The following TNIK variants were observed in gnomAD, a reference collection of about 807,000 sequenced individuals.
TNIK encodes the protein TRAF2 and NCK interacting kinase.
TNIK carries 49 observed loss-of-function variants against 191.3 expected under a neutral mutation model. That is an observed-to-expected ratio of 0.26 (90% confidence interval 0.20 to 0.32). The LOEUF (loss-of-function observed/expected upper bound fraction) is 0.32. Ranked by LOEUF, TNIK falls within the 10% of genes least tolerant of loss-of-function variation. The probability of loss-of-function intolerance (pLI) is 1.00; values close to 1 mark genes in which losing one functional copy is unlikely to be tolerated. For synonymous variants in TNIK, 594 were observed against 600.9 expected (o/e 0.99, Z 0.17); for missense variants, 1,155 against 1,702.3 (o/e 0.68, Z 5.66).
intron 1 of TNIK, among the ~76,000 whole-genome samples, chr3:171,457,921 A>T (rs889476157): frequency 1.3e-5 from 2 of 152,234 alleles, no homozygotes; most frequent in African/African-American, 4.8e-5. Context: ...TGTGAACCGC[A>T]GTCGTCCGCC....
At chr3:171,459,541 G>T (rs1211393246) in intron 1 of TNIK, among the ~76,000 whole-genome samples, 1 of 152,184 alleles carries the variant, frequency 6.6e-6, no homozygotes, top group African/African-American at 2.4e-5. Context: ...CGCGGGGACA[G>T]CCAGCCTCAC....
intron 2 of TNIK, among the ~76,000 whole-genome samples, chr3:171,241,295 G>T (rs1744956370): frequency 6.6e-6 from 1 of 152,178 alleles, no homozygotes; most frequent in African/African-American, 2.4e-5. Context: ...CTCCCAAAGT[G>T]CTGGGATTAC....
rs1728800184 is a variant in TNIK, at chr3:171,128,588, A to T, written c.1773+126T>A. ...CAGTGGGGCCACCTATTTTACTATA[A>T]ATTCTATATTAAGGGTCATAATTTG... On this transcript the variant is annotated intron_variant, in intron 16 of 32. Transcript: ENST00000436636. 3.4e-6 allele frequency: 4 copies of T among 1,189,232 alleles called. No individual in the cohort carries two copies. In the African/African-American group the frequency reaches 6.2e-5, roughly 18 times the overall value. 73.7% of individuals were successfully genotyped at this position (1,189,232 alleles called of 1,614,324 possible). A position where few individuals can be genotyped will look rare whatever the true frequency, so the allele number is the denominator to read the frequency against.
chr3:171,459,862 G>GA, intron 1 of TNIK, 145 bp downstream of exon 1: 1 of 1,032,894 alleles, frequency 9.7e-7, no homozygotes. Context: ...CAGCAACCCC[G>GA]AATCAAAACG....
intron 2 of TNIK, among the ~76,000 whole-genome samples, chr3:171,248,114 G>A (rs1323622915): frequency 3.3e-5 from 5 of 152,214 alleles, no homozygotes; most frequent in Admixed American, 3.3e-4. Flanking sequence ...AATGTGGGAA[G>A]AAGATGAGTT....
At chr3:171,443,795 G>A (rs145723197) in intron 1 of TNIK, among the ~76,000 whole-genome samples, 5,275 of 152,200 alleles carry the variant, frequency 0.035, 321 homozygotes, top group African/African-American at 0.12. Context: ...CTGCACTCCA[G>A]CCTGGGCAAC....
At chr3:171,240,546 C>T (rs1577219303) in intron 2 of TNIK, among the ~76,000 whole-genome samples, 1 of 151,720 alleles carries the variant, frequency 6.6e-6, no homozygotes, top group Non-Finnish European at 1.5e-5. Flanking sequence ...GTTCTCTTCT[C>T]CTACTATTCC....
At chr3:171,244,878 G>A (rs975770704) in intron 2 of TNIK, among the ~76,000 whole-genome samples, 1 of 151,066 alleles carries the variant, frequency 6.6e-6, no homozygotes, top group Non-Finnish European at 1.5e-5. Context: ...GTATATCATA[G>A]GGCTTGTCTA....
chr3:171,194,313 A>G lies in TNIK; in HGVS notation c.417+212T>C, dbSNP rs9852073. Among the ~76,000 whole-genome samples the G allele has an allele frequency of 8.5e-3, 1,300 of 152,294 alleles. 23 individuals carry two copies. Among genetic ancestry groups the G allele is most frequent in the African/African-American group, 0.03 (1,228 of 41,552 alleles). On this transcript the variant is annotated intron_variant, in intron 5 of 32. Coordinates refer to ENST00000436636, the MANE Select transcript of TNIK (RefSeq NM_015028.4). Reference sequence around the variant, plus strand: ...CTAAATGAAAATATGCTCATGGCCTATCTCCAGAATGGCGCTCACTTCCAT... The same window carrying G: ...CTAAATGAAAATATGCTCATGGCCTGTCTCCAGAATGGCGCTCACTTCCAT...
chr3:171,224,103 A>T (rs1390293331), intron 3 of TNIK, among the ~76,000 whole-genome samples: 1 of 152,144 alleles, frequency 6.6e-6, no homozygotes, highest in Non-Finnish European at 1.5e-5. Flanking sequence ...GACCAATGGC[A>T]ATGAGGTAGT....
intron 4 of TNIK, among the ~76,000 whole-genome samples, chr3:171,198,348 A>C (rs1054569735): frequency 9.2e-5 from 14 of 152,162 alleles, no homozygotes; most frequent in Non-Finnish European, 1.8e-4. Context: ...GGCAATCCAT[A>C]GAGACAGAAG....
chr3:171,145,203 C>G (rs958982992), intron 12 of TNIK, among the ~76,000 whole-genome samples: 1 of 151,912 alleles, frequency 6.6e-6, no homozygotes, highest in African/African-American at 2.4e-5. Flanking sequence ...TCTCCTGCCT[C>G]AGCCTCCCGA....
chr3:171,256,094 A>G (rs1332701166), intron 2 of TNIK, among the ~76,000 whole-genome samples: 2 of 152,146 alleles, frequency 1.3e-5, no homozygotes, highest in Non-Finnish European at 2.9e-5. Flanking sequence ...ACAGCTCCCA[A>G]CAAGGAAAAA....
At chr3:171,180,420 G>T (rs1736504637) in intron 7 of TNIK, among the ~76,000 whole-genome samples, 1 of 151,774 alleles carries the variant, frequency 6.6e-6, no homozygotes, top group Admixed American at 6.6e-5. Flanking sequence ...ACCATGTTTT[G>T]TGTTGATTGC....
intron 1 of TNIK, among the ~76,000 whole-genome samples, chr3:171,388,407 T>C (rs964297442): frequency 6.6e-6 from 1 of 152,248 alleles, no homozygotes; most frequent in African/African-American, 2.4e-5. Flanking sequence ...GTAACTTACA[T>C]ATTTTTAAAA....
chr3:171,129,765 G>C (rs1728994567), intron 15 of TNIK, among the ~76,000 whole-genome samples: 1 of 152,144 alleles, frequency 6.6e-6, no homozygotes, highest in Non-Finnish European at 1.5e-5. Flanking sequence ...TTCTAAACAG[G>C]TCATCATTAC....
chr3:171,085,342 G>GC, intron 24 of TNIK, 113 bp from the exon 25 acceptor site: 1 of 1,015,270 alleles, frequency 9.8e-7, no homozygotes, highest in Non-Finnish European at 1.4e-6. Context: ...AGGTATTCAG[G>GC]TGTTCACATT....
chr3:171,179,810 C>T (rs1736431067), intron 7 of TNIK, among the ~76,000 whole-genome samples: 1 of 152,132 alleles, frequency 6.6e-6, no homozygotes, highest in Non-Finnish European at 1.5e-5. Flanking sequence ...GAGAGAAACA[C>T]TGAATCATTT....
chr3:171,316,165 A>G (rs2108316298), intron 2 of TNIK, among the ~76,000 whole-genome samples: 1 of 152,210 alleles, frequency 6.6e-6, no homozygotes, highest in South Asian at 2.1e-4. Context: ...AAGCTCCCAG[A>G]GCACAGGCAG....
Sources: allele counts gnomAD v4.1 joint callset (sites outside exome capture counted in the v4.1 genomes callset), GRCh38; gene constraint gnomAD v4.1.1; transcripts MANE v1.5; gene names NCBI Gene and HGNC (gene_info 2026-07-23, HGNC 2026-07-21).